Variants in ULK1 observed in about 807,000 individuals in gnomAD.
The protein encoded by ULK1 is unc-51 like autophagy activating kinase 1.
Under a neutral mutation model 117.5 loss-of-function variants are expected in ULK1, and 48 were observed. The ratio of observed to expected loss-of-function variants is 0.41; its 90% confidence interval spans 0.32 to 0.52. The LOEUF is 0.52. Among genes scored for constraint, ULK1 ranks in the 20% least tolerant of loss-of-function variants. ULK1 has a pLI of 0.29. For missense variants in ULK1, 1,387 were observed against 1,473.4 expected (o/e 0.94, Z 0.96); for synonymous variants, 790 against 637.8 (o/e 1.24, Z -3.60).
chr12:131,913,105 T>C, intron 13 of ULK1, 93 bp from the exon 14 acceptor site: 1 of 1,206,912 alleles, frequency 8.3e-7, no homozygotes, highest in South Asian at 1.7e-5. Context: ...CAAGGTGGAG[T>C]GTGCGTGGGG....
chr12:131,903,816 T>C lies in ULK1; in HGVS notation c.247-3076T>C, dbSNP rs569714503. 1.3e-5 allele frequency among the ~76,000 whole-genome samples: 2 copies of C among 152,108 alleles called. No homozygotes were observed. The highest frequency in any genetic ancestry group is 6.5e-5 in the Admixed American group (1 of 15,284). ...TTCGGTCCCACAGCCCCCTGCCCAC[T>C]CCCTCCTGGGAGCTGGTGCCCCCTG... is the stretch of plus-strand genomic sequence containing the variant. On this transcript the variant is annotated intron_variant, in intron 3 of 27. Transcript: ENST00000321867. This position sits in a 1 kb window ranked among gnomAD's most constrained non-coding sequence, Gnocchi z 6.0.
At chr12:131,921,282 TCA>T in intron 27 of ULK1, 22 bp from the exon 28 acceptor site, 1 of 1,608,164 alleles carries the variant, frequency 6.2e-7, no homozygotes, top group Non-Finnish European at 8.5e-7. Context: ...GGCGTCTCCC[TCA>T]CACTCCCCTC....
At chr12:131,919,131 G>T (rs1395473489) in intron 23 of ULK1, 81 bp from the exon 24 acceptor site, 2 of 1,465,982 alleles carry the variant, frequency 1.4e-6, no homozygotes, top group Admixed American at 2.4e-5. Context: ...CCTCCCCAAG[G>T]CGTCATCGGT....
At chr12:131,910,170 G>T in intron 10 of ULK1, 84 bp from the exon 11 acceptor site, 1 of 1,593,350 alleles carries the variant, frequency 6.3e-7, no homozygotes, top group Non-Finnish European at 8.6e-7. Flanking sequence ...GCCCAACGCG[G>T]CTGGAGCTCA....
chr12:131,920,572 T>A (rs1200833121), intron 26 of ULK1: 2 of 195,004 alleles, frequency 1.0e-5, no homozygotes, highest in African/African-American at 4.8e-5. Context: ...TTCGTTTATT[T>A]TTTGTTGTTT....
chr12:131,910,491 T>A (rs1313225751), intron 11 of ULK1, among the ~76,000 whole-genome samples, 187 bp downstream of exon 11: 1 of 152,094 alleles, frequency 6.6e-6, no homozygotes, highest in Non-Finnish European at 1.5e-5. Flanking sequence ...GGGGTTCGCA[T>A]GGTGCAGCAG....
rs1416939829 is a variant in ULK1, at chr12:131,917,243, TTC to T, written c.2183-167_2183-166del. 8.8e-5 allele frequency among the ~76,000 whole-genome samples: 7 copies of T among 79,748 alleles called. 1 individual carries two copies. The highest frequency in any genetic ancestry group is 1.4e-4 in the Non-Finnish European group (5 of 35,742). The allele number at this position is 79,748 out of a possible 152,430, so 52.3% of individuals were successfully genotyped here. Reference sequence around the variant, plus strand: ...TCGAGGCTGTGGGACGGGGGTCGGGTTCGGCTCGGAGGCTGTGGGACGGGGGT... The same window carrying T: ...TCGAGGCTGTGGGACGGGGGTCGGGTGGCTCGGAGGCTGTGGGACGGGGGT... On this transcript the variant is annotated intron_variant, in intron 21 of 27. Transcript: ENST00000321867.
rs1278309699 is a variant in ULK1 at position 131,921,459 on chromosome 12, G to A, written c.*98G>A. 38 of 1,556,716 alleles carry A rather than the reference G, an allele frequency of 2.4e-5. No individual in the cohort carries two copies. The highest frequency in any genetic ancestry group is 6.7e-5 in the South Asian group (6 of 89,564). On this transcript the variant is annotated 3_prime_UTR_variant, in exon 28 of 28. Transcript: ENST00000321867. ...TCGGGACAAGCCCATGGCGCTGATCGCTGGTGCTGAGCCCTGCCCTGGGCC... is the reference window on the plus strand; with the variant it reads ...TCGGGACAAGCCCATGGCGCTGATCACTGGTGCTGAGCCCTGCCCTGGGCC...
chr12:131,919,887 C>G (rs955468812), intron 25 of ULK1, 92 bp from the exon 26 acceptor site: 21 of 1,501,176 alleles, frequency 1.4e-5, no homozygotes, highest in Non-Finnish European at 1.8e-5. Flanking sequence ...GAGGGAGGGA[C>G]GTGCTCGCTC....
At position 131,916,600 on chromosome 12, in the gene ULK1, A is replaced by T. The variant is rs893645334; in HGVS notation, c.2072+9A>T. The T allele has an allele frequency of 6.4e-7, 1 of 1,567,256 alleles. No homozygotes were observed. Among genetic ancestry groups the T allele is most frequent in the Non-Finnish European group, 8.6e-7 (1 of 1,163,394 alleles). On this transcript the variant is annotated intron_variant, in intron 20 of 27. Transcript: ENST00000321867. ...AAGGGCCCCTTTGGCCGGTGAGTTG[A>T]GGGGACAGGCCTTGGACGGGCTTCT...
At chr12:131,919,789 C>G in intron 25 of ULK1, 190 bp from the exon 26 acceptor site, 1 of 1,039,350 alleles carries the variant, frequency 9.6e-7, no homozygotes, top group Non-Finnish European at 1.4e-6. Context: ...ATGCAGAGCA[C>G]AGAGGCCGTG....
At position 131,895,843 on chromosome 12, in the gene ULK1, G is replaced by C; in HGVS notation, c.246+19G>C. 6.2e-7 allele frequency: 1 copy of C among 1,613,944 alleles called. No homozygotes were observed. Among genetic ancestry groups the C allele is most frequent in the Non-Finnish European group, 8.5e-7 (1 of 1,179,966 alleles). On this transcript the variant is annotated intron_variant, in intron 3 of 27. Transcript: ENST00000321867. The stretch of plus-strand genomic sequence containing the variant: ...CTTCCAGGTAAGGCCTCTGGGCTGC[G>C]GTCTGCTGGGGACCGGGCTGGGGGA...
rs560655718 is a variant in ULK1, at chr12:131,921,386, C to A, written c.*25C>A. 4.4e-6 allele frequency: 7 copies of A among 1,600,674 alleles called. No homozygotes were observed. The highest frequency in any genetic ancestry group is 5.1e-6 in the Non-Finnish European group (6 of 1,179,866). On this transcript the variant is annotated 3_prime_UTR_variant, in exon 28 of 28. Transcript: ENST00000321867. ...ACCTTTCTGGCCTGGCTGGGCCCCC[C>A]GTCCTGCCGAGCCCTGCAGAGTGGG...
At chr12:131,911,261 C>T (rs1476583319) in intron 12 of ULK1, among the ~76,000 whole-genome samples, 1 of 152,206 alleles carries the variant, frequency 6.6e-6, no homozygotes, top group Non-Finnish European at 1.5e-5. Flanking sequence ...GACTGGGAGC[C>T]TGGCTCTCAG....
At chr12:131,918,985 C>T (rs866567135) in intron 23 of ULK1, among the ~76,000 whole-genome samples, 168 of 25,036 alleles carry the variant, frequency 6.7e-3, no homozygotes, top group Non-Finnish European at 6.6e-3. Flanking sequence ...TGTGGGGTGT[C>T]GGGTGTGTGG....
chr12:131,917,508 G>A lies in ULK1; in HGVS notation c.2280G>A (p.Pro760=), dbSNP rs373095783. Residue 760 remains proline (P), a synonymous_variant, in exon 22 of 28, where the codon CCG becomes CCA. Transcript: ENST00000321867. ...SPVVFTVGSP[P]SGSTPPQGPR... ...TGGTCTTCACCGTGGGCTCTCCCCCGAGCGGGAGCACGCCCCCCCAGGGCC... is the reference window on the plus strand; with the variant it reads ...TGGTCTTCACCGTGGGCTCTCCCCCAAGCGGGAGCACGCCCCCCCAGGGCC... The A allele has an allele frequency of 3.5e-4, 508 of 1,471,482 alleles. 1 individual carries two copies. The highest frequency in any genetic ancestry group is 2.7e-3 in the East Asian group (106 of 38,970). 91.2% of individuals were successfully genotyped at this position (1,471,482 alleles called of 1,614,324 possible).
At chr12:131,914,010 T>C (rs1889661813) in intron 15 of ULK1, among the ~76,000 whole-genome samples, 174 bp downstream of exon 15, 1 of 151,844 alleles carries the variant, frequency 6.6e-6, no homozygotes, top group South Asian at 2.1e-4. Context: ...GGGACTATAG[T>C]GGGAGGAGCA....
rs1215100913 is a variant in ULK1 at position 131,917,269 on chromosome 12, GTCGGGTTCGGC to G, written c.2183-137_2183-127del. On this transcript the variant is annotated intron_variant, in intron 21 of 27. Transcript: ENST00000321867. ...TCGGCTCGGAGGCTGTGGGACGGGG[GTCGGGTTCGGC>G]TCGGAGGCTGTGGGACGGGGGTTGG... is the stretch of plus-strand genomic sequence containing the variant. 1.9e-4 allele frequency: 159 copies of G among 826,344 alleles called. 40 individuals are homozygous for G. Among genetic ancestry groups the G allele is most frequent in the Admixed American group, 2.7e-4 (6 of 22,464 alleles). 51.2% of individuals were successfully genotyped at this position (826,344 alleles called of 1,614,324 possible). A position where few individuals can be genotyped will look rare whatever the true frequency, so the allele number is the denominator to read the frequency against.
In ULK1 at chr12:131,909,973, A is replaced by G. The variant is rs143247728; in HGVS notation, c.780A>G (p.Gln260=). ...PLRQLLLALL[Q]RNHKDRMDFD... ...GGCAGCTGCTCCTGGCCCTACTGCA[A>G]CGCAACCACAAGGACCGCATGGACT... Residue 260 remains glutamine (Q), a synonymous_variant, in exon 10 of 28, where the codon CAA becomes CAG. Coordinates refer to ENST00000321867, the MANE Select transcript of ULK1 (RefSeq NM_003565.4). The G allele has an allele frequency of 4.3e-6, 7 of 1,612,144 alleles. No homozygotes were observed. The African/African-American group carries it at 8.0e-5, about 18-fold the overall frequency.
Sources: gnomAD v4.1 joint callset for allele counts (sites outside exome capture counted in the v4.1 genomes callset) on GRCh38, gnomAD v4.1.1 for gene constraint, Gnocchi (gnomAD v3.1) non-coding constraint, MANE v1.5 for transcripts, NCBI Gene and HGNC (gene_info 2026-07-23, HGNC 2026-07-21) for gene names.